Variants in PKD1L3 observed in about 807,000 individuals in gnomAD.
The protein encoded by PKD1L3 is polycystin-1-like protein 3.
PKD1L3 carries 239 observed loss-of-function variants against 184.1 expected under a neutral mutation model. That is an observed-to-expected ratio of 1.30 (90% CI 1.17 to 1.45). The LOEUF is 1.45. PKD1L3 is among the 40% of genes most tolerant of loss of function. PKD1L3 has a pLI of 0.00. For synonymous variants in PKD1L3, 996 were observed against 778.8 expected (o/e 1.28, Z -4.64); for missense variants, 2,660 against 2,067.2 (o/e 1.29, Z -5.56).
chr16:71,963,170 A>T lies in PKD1L3; in HGVS notation c.2612+35T>A, dbSNP rs1259848030. Reference sequence around the variant, plus strand: ...AACAATTCAATTAATAGTGAACATCAATATTCACTGTTAATAGTAATTTTC... The same window carrying T: ...AACAATTCAATTAATAGTGAACATCTATATTCACTGTTAATAGTAATTTTC... On this transcript the variant is annotated intron_variant, in intron 16 of 29. Coordinates refer to ENST00000620267, the MANE Select transcript of PKD1L3 (RefSeq NM_181536.2). The T allele has an allele frequency of 2.7e-6, 4 of 1,493,926 alleles. No homozygotes were observed. In the African/African-American group the frequency reaches 5.6e-5, roughly 21 times the overall value. 92.5% of individuals were successfully genotyped at this position (1,493,926 alleles called of 1,614,324 possible).
intron 28 of PKD1L3, chr16:71,930,732 T>C (rs1333846688): frequency 6.6e-6 from 1 of 152,208 alleles, no homozygotes; most frequent in East Asian, 1.9e-4. Flanking sequence ...TACATAAATA[T>C]CAAGTTCTGG....
In PKD1L3 at chr16:71,947,920, C is replaced by CTT. The variant is rs545301438; in HGVS notation, c.3619-331_3619-330dup. ...AAAACCTCTGATAAAGATCCAGACT[C>CTT]TTTTTTTTTTTTTTGAGACGGAGTC... On this transcript the variant is annotated intron_variant, in intron 21 of 29. Coordinates refer to ENST00000620267, the MANE Select transcript of PKD1L3 (RefSeq NM_181536.2). Among the ~76,000 whole-genome samples the CTT allele has an allele frequency of 7.1e-3, 1,023 of 143,754 alleles. 14 individuals carry two copies. Among genetic ancestry groups the CTT allele is most frequent in the South Asian group, 0.02 (90 of 4,578 alleles). 94.3% of individuals were successfully genotyped at this position (143,754 alleles called of 152,430 possible). A position where few individuals can be genotyped will look rare whatever the true frequency, so the allele number is the denominator to read the frequency against.
Position 71,942,968 on chromosome 16 carries a change from T to C in PKD1L3, c.3916A>G (p.Asn1306Asp). The C allele has an allele frequency of 6.4e-7, 1 of 1,551,582 alleles. No homozygotes were observed. Among genetic ancestry groups the C allele is most frequent in the East Asian group, 2.4e-5 (1 of 40,924 alleles). ...ATAGCTTGGTGGAGGTAAAATCTAT[T>C]GGAGTTCTTTGCAGAGTAGATTGCA... ...MTAIYSAKNS[N>D]RFYLHQAIWK... The change falls in exon 24 of 30, where the codon AAT (asparagine) becomes GAT (aspartate). Residue 1306 changes from asparagine to aspartate, a missense_variant. Physicochemically the swap from Asn to Asp is conservative, Grantham distance 23. Coordinates refer to ENST00000620267, the MANE Select transcript of PKD1L3 (RefSeq NM_181536.2).
chr16:71,960,260 C>CA lies in PKD1L3; in HGVS notation c.2612+2944dup, dbSNP rs201275474. Among the ~76,000 whole-genome samples the CA allele has an allele frequency of 7.5e-3, 1,131 of 150,636 alleles. 7 individuals carry two copies. The highest frequency in any genetic ancestry group is 0.014 in the Middle Eastern group (4 of 282). On this transcript the variant is annotated intron_variant, in intron 16 of 29. Transcript: ENST00000620267. ...AGAGAATGGATTATAACAAATAATGCAAAATAATATGGTAAATTAAGTCCA... is the reference window on the plus strand; with the variant it reads ...AGAGAATGGATTATAACAAATAATGCAAAAATAATATGGTAAATTAAGTCCA...
At chr16:71,943,948 A>G in intron 23 of PKD1L3, 82 bp downstream of exon 23, 1 of 1,430,562 alleles carries the variant, frequency 7.0e-7, no homozygotes, top group East Asian at 2.5e-5. Context: ...ACCCTTCTTT[A>G]TTTTCCATTT....
At chr16:71,934,185 C>T in intron 26 of PKD1L3, 60 bp from the exon 27 acceptor site, 1 of 1,482,700 alleles carries the variant, frequency 6.7e-7, no homozygotes, top group Non-Finnish European at 9.2e-7. Context: ...CTGCAGTTTC[C>T]CCAGCGCCCC....
chr16:71,945,297 TATATATATACAC>T (rs1488450858), intron 22 of PKD1L3, among the ~76,000 whole-genome samples: 4 of 70,036 alleles, frequency 5.7e-5, no homozygotes, highest in African/African-American at 2.0e-4. Flanking sequence ...TATATATATA[TATATATATACAC>T]ACACACACAC....
chr16:71,943,558 A>AAAAAAC (rs1555514236), intron 23 of PKD1L3, among the ~76,000 whole-genome samples: 1 of 151,158 alleles, frequency 6.6e-6, no homozygotes, highest in African/African-American at 2.4e-5. Flanking sequence ...AAAAAAAAAA[A>AAAAAAC]CATAAAATCC....
In PKD1L3 at chr16:71,967,177, G is replaced by C; in HGVS notation, c.2425C>G (p.Leu809Val). Residue 809 changes from leucine to valine, a missense_variant, in exon 15 of 30, where the codon CTT (leucine) becomes GTT (valine). Transcript: ENST00000620267. ...CCAGAATTGTCATGCCAGAGCCGAA[G>C]GCTGTGCAGGTTCCCTAGAGAGGTC... ...TWTSLGNLHSLRLWHDNSGVS... is the reference protein window; with the variant it reads ...TWTSLGNLHSVRLWHDNSGVS... 2 of 1,551,722 alleles carry C rather than the reference G, an allele frequency of 1.3e-6. No homozygotes were observed. Among genetic ancestry groups the C allele is most frequent in the Non-Finnish European group, 1.7e-6 (2 of 1,146,976 alleles).
rs1270850140 is a variant in PKD1L3 at position 71,959,451 on chromosome 16, T to A, written c.2612+3754A>T. On this transcript the variant is annotated intron_variant, in intron 16 of 29. Transcript: ENST00000620267. ...AAACAAACAAACAAAAAACAAAGAA[T>A]ACAGAAAACTAGAATAAACAGAGAA... Among the ~76,000 whole-genome samples the A allele has an allele frequency of 2.0e-5, 3 of 152,022 alleles. No individual in the cohort carries two copies. The East Asian group carries it at 5.8e-4, about 29-fold the overall frequency.
Position 71,944,170 on chromosome 16 carries a change from G to A in PKD1L3, c.3719C>T (p.Ala1240Val), listed in dbSNP as rs763877784. 91 of 1,547,900 alleles carry A rather than the reference G, an allele frequency of 5.9e-5. 1 individual carries two copies. Among genetic ancestry groups the A allele is most frequent in the Non-Finnish European group, 1.0e-5 (12 of 1,145,140 alleles). ...QQTKRILALLAKCSSSVPGSR... is the reference protein window; with the variant it reads ...QQTKRILALLVKCSSSVPGSR... ...ACCTGGTACTGACGAAGAACATTTT[G>A]CTGTCAAAAATTCAAATATAGACCA... Residue 1240 changes from alanine (A) to valine (V), a missense_variant and splice_region_variant, in exon 23 of 30, where the codon GCA becomes GTA. Transcript: ENST00000620267.
intron 13 of PKD1L3, among the ~76,000 whole-genome samples, chr16:71,968,636 C>A (rs2039590930): frequency 6.6e-6 from 1 of 152,118 alleles, no homozygotes; most frequent in Non-Finnish European, 1.5e-5. Flanking sequence ...TGCTATGTTG[C>A]CCAGGCTGGA....
intron 14 of PKD1L3, 82 bp downstream of exon 14, chr16:71,967,824 G>A (rs2039558602): frequency 3.4e-6 from 4 of 1,174,760 alleles, no homozygotes; most frequent in Middle Eastern, 3.9e-4. Flanking sequence ...AGTGCTATTG[G>A]TTGCCAGGAT....
At chr16:71,982,809 G>A (rs1339209238) in intron 6 of PKD1L3, among the ~76,000 whole-genome samples, 1 of 151,912 alleles carries the variant, frequency 6.6e-6, no homozygotes, top group Non-Finnish European at 1.5e-5. Context: ...GCCCAGGCTG[G>A]TCTCAAACAC....
At chr16:71,965,700 T>G (rs1030755613) in intron 15 of PKD1L3, among the ~76,000 whole-genome samples, 1 of 151,916 alleles carries the variant, frequency 6.6e-6, no homozygotes, top group Non-Finnish European at 1.5e-5. Context: ...GTGACAGGCA[T>G]TTACCACCAT....
intron 22 of PKD1L3, among the ~76,000 whole-genome samples, chr16:71,944,577 G>A (rs1461370275): frequency 6.6e-6 from 1 of 152,140 alleles, no homozygotes; most frequent in Non-Finnish European, 1.5e-5. Flanking sequence ...CGGCTACTAG[G>A]GAGACTGAGG....
At chr16:71,986,873 G>A (rs2040388399) in intron 4 of PKD1L3, among the ~76,000 whole-genome samples, 1 of 147,502 alleles carries the variant, frequency 6.8e-6, no homozygotes, top group Admixed American at 6.8e-5. Flanking sequence ...TAAGCAGAGA[G>A]AAAGTGGATG....
At chr16:71,945,301 T>TATATATAC (rs2038541056) in intron 22 of PKD1L3, among the ~76,000 whole-genome samples, 1 of 55,694 alleles carries the variant, frequency 1.8e-5, no homozygotes, top group African/African-American at 7.5e-5. Flanking sequence ...TATATATATA[T>TATATATAC]ATATACACAC....
At chr16:71,949,057 TC>T (rs1267280728) in intron 21 of PKD1L3, among the ~76,000 whole-genome samples, 2 of 152,048 alleles carry the variant, frequency 1.3e-5, no homozygotes, top group Non-Finnish European at 2.9e-5. Context: ...CTGATATTGT[TC>T]CCCCCAAATA....
Sources: gnomAD v4.1 joint callset for allele counts (sites outside exome capture counted in the v4.1 genomes callset) on GRCh38, gnomAD v4.1.1 for gene constraint, MANE v1.5 for transcripts, NCBI Gene and HGNC (gene_info 2026-07-23, HGNC 2026-07-21) for gene names.